Variants in GABRG3 observed in about 807,000 individuals in gnomAD.
GABRG3 encodes gamma-aminobutyric acid type A receptor subunit gamma3.
In GABRG3, 25 loss-of-function variants were observed where a neutral mutation model predicts 48.8. That is an observed-to-expected ratio of 0.51 (90% CI 0.37 to 0.72). The LOEUF (loss-of-function observed/expected upper bound fraction) is 0.72. Ranked by LOEUF, GABRG3 falls within the 30% of genes least tolerant of loss-of-function variation. GABRG3 has a pLI of 0.00. For synonymous variants in GABRG3, 227 were observed against 217.6 expected (o/e 1.04, Z -0.38); for missense variants, 394 against 577.9 (o/e 0.68, Z 3.26).
chr15:27,228,051 A>G lies in GABRG3; in HGVS notation c.271-98758A>G, dbSNP rs185237256. Among the ~76,000 whole-genome samples, 3 of 152,364 alleles carry G rather than the reference A, an allele frequency of 2.0e-5. No homozygotes were observed. In the East Asian group the frequency reaches 5.8e-4, roughly 29 times the overall value. On this transcript the variant is annotated intron_variant, in intron 3 of 9. Transcript: ENST00000615808. Reference sequence around the variant, plus strand: ...AAATAAATAAAACATTTTAGCACCAATGAAATAATACATAATTTTGTTATT... The same window carrying G: ...AAATAAATAAAACATTTTAGCACCAGTGAAATAATACATAATTTTGTTATT...
At chr15:27,222,323 G>A (rs1201210336) in intron 3 of GABRG3, among the ~76,000 whole-genome samples, 1 of 152,202 alleles carries the variant, frequency 6.6e-6, no homozygotes, top group African/African-American at 2.4e-5. Flanking sequence ...GGGAACAGAA[G>A]AAGTTGTTTT....
At chr15:27,518,678 T>C (rs1229997683) in intron 6 of GABRG3, among the ~76,000 whole-genome samples, 3 of 150,350 alleles carry the variant, frequency 2.0e-5, no homozygotes, top group Non-Finnish European at 3.0e-5. Flanking sequence ...TTCAGAGGAG[T>C]GTGGGAAGGG....
intron 3 of GABRG3, among the ~76,000 whole-genome samples, chr15:27,240,241 A>C (rs896120305): frequency 6.6e-6 from 1 of 152,170 alleles, no homozygotes; most frequent in Admixed American, 6.5e-5. Flanking sequence ...TTATCTTGCT[A>C]TAGTGAAAGC....
chr15:27,151,396 A>G (rs973676046), intron 3 of GABRG3, among the ~76,000 whole-genome samples: 1 of 151,488 alleles, frequency 6.6e-6, no homozygotes, highest in African/African-American at 2.4e-5. Flanking sequence ...CTGGAGATTG[A>G]TCCAGGTTAT....
rs531362504 is a variant in GABRG3, at chr15:27,540,957, G to A, written c.*8076G>A. 4 of 152,264 alleles carry A rather than the reference G, an allele frequency of 2.6e-5. No homozygotes were observed. Among genetic ancestry groups the A allele is most frequent in the African/African-American group, 9.6e-5 (4 of 41,474 alleles). 9.4% of individuals were successfully genotyped at this position (152,264 alleles called of 1,614,324 possible). ...AGGAGCGCAGTTTTCTAGCGATAGC[G>A]TATTAGCACTAAGCCTCTGGTTAGG... On this transcript the variant is annotated 3_prime_UTR_variant, in exon 10 of 10. Transcript: ENST00000615808.
At chr15:27,307,367 A>G (rs1167985188) in intron 3 of GABRG3, among the ~76,000 whole-genome samples, 1 of 18,062 alleles carries the variant, frequency 5.5e-5, no homozygotes, top group Non-Finnish European at 1.2e-4. Flanking sequence ...ATATAACCAT[A>G]TAGGTTTATA....
intron 5 of GABRG3, chr15:27,350,322 A>C: frequency 2.7e-6 from 1 of 376,066 alleles, no homozygotes; most frequent in Non-Finnish European, 5.4e-6. Context: ...GGGAAATCAC[A>C]TTTTCTGACT....
At chr15:27,324,914 A>C (rs993443513) in intron 3 of GABRG3, among the ~76,000 whole-genome samples, 2 of 138,852 alleles carry the variant, frequency 1.4e-5, no homozygotes, top group African/African-American at 3.1e-5. Flanking sequence ...CCATATTTGC[A>C]TAATTAAAGA....
At chr15:27,075,301 CATTTT>C (rs1437583302) in intron 3 of GABRG3, among the ~76,000 whole-genome samples, 1 of 152,132 alleles carries the variant, frequency 6.6e-6, no homozygotes, top group Non-Finnish European at 1.5e-5. Flanking sequence ...TAAACAAAGA[CATTTT>C]ATTTGCAAAT....
At chr15:27,007,760 G>GT (rs910417088) in intron 2 of GABRG3, among the ~76,000 whole-genome samples, 3 of 151,992 alleles carry the variant, frequency 2.0e-5, no homozygotes, top group Non-Finnish European at 4.4e-5. Context: ...GGGGTTTTTT[G>GT]TTTTTTGCTT....
At chr15:27,120,677 G>C (rs1897716161) in intron 3 of GABRG3, among the ~76,000 whole-genome samples, 1 of 152,172 alleles carries the variant, frequency 6.6e-6, no homozygotes, top group East Asian at 1.9e-4. Context: ...GCTGCTGGCT[G>C]TCATTGCCAA....
intron 3 of GABRG3, among the ~76,000 whole-genome samples, chr15:27,216,780 T>TTTTAA (rs1889271502): frequency 2.1e-5 from 1 of 48,534 alleles, no homozygotes; most frequent in African/African-American, 5.7e-5. Flanking sequence ...ATTTTTTAAT[T>TTTTAA]TTTTTTTTTA....
intron 3 of GABRG3, among the ~76,000 whole-genome samples, chr15:27,171,209 T>C (rs1482659448): frequency 6.6e-6 from 1 of 152,210 alleles, no homozygotes; most frequent in African/African-American, 2.4e-5. Flanking sequence ...GTAGGACTAA[T>C]AAAACATCAG....
chr15:27,432,565 T>G (rs1888488115), intron 5 of GABRG3, among the ~76,000 whole-genome samples: 1 of 152,212 alleles, frequency 6.6e-6, no homozygotes, highest in Non-Finnish European at 1.5e-5. Context: ...TGACTGAATA[T>G]TCTACCTTTT....
rs953908574 is a variant in GABRG3 at position 27,075,152 on chromosome 15, A to G, written c.270+48331A>G. Among the ~76,000 whole-genome samples, 48 of 152,226 alleles carry G rather than the reference A, an allele frequency of 3.2e-4. 1 individual carries two copies. The highest frequency in any genetic ancestry group is 1.0e-3 in the African/African-American group (43 of 41,466). ...GATTTTTTTCTCATTTGTTTAGAGT[A>G]ATATAACTGACTATTAATAATTCTT... On this transcript the variant is annotated intron_variant, in intron 3 of 9. Transcript: ENST00000615808.
chr15:27,160,050 C>T (rs977091157), intron 3 of GABRG3, among the ~76,000 whole-genome samples: 3 of 152,180 alleles, frequency 2.0e-5, no homozygotes, highest in Non-Finnish European at 4.4e-5. Flanking sequence ...CCCTCACTGT[C>T]ATACTGCAAG....
At position 27,180,749 on chromosome 15, in the gene GABRG3, T is replaced by C. The variant is rs1163718582; in HGVS notation, c.271-146060T>C. On this transcript the variant is annotated intron_variant, in intron 3 of 9. Transcript: ENST00000615808. This position sits in a 1 kb window ranked among gnomAD's most constrained non-coding sequence, Gnocchi z 4.2. Reference sequence around the variant, plus strand: ...TTTAATTATTTTACTAATTTCTACTTGATACCTCCTGGCCCTAAATCCACT... The same window carrying C: ...TTTAATTATTTTACTAATTTCTACTCGATACCTCCTGGCCCTAAATCCACT... Among the ~76,000 whole-genome samples, 1 of 152,218 alleles carries C rather than the reference T, an allele frequency of 6.6e-6. No homozygotes were observed. The highest frequency in any genetic ancestry group is 1.5e-5 in the Non-Finnish European group (1 of 68,042).
At chr15:27,043,054 G>T (rs1442225551) in intron 3 of GABRG3, among the ~76,000 whole-genome samples, 1 of 152,154 alleles carries the variant, frequency 6.6e-6, no homozygotes, top group Non-Finnish European at 1.5e-5. Context: ...TGTTCTATAT[G>T]AACCTAACTT....
chr15:27,124,722 G>T (rs1012988468), intron 3 of GABRG3, among the ~76,000 whole-genome samples: 1 of 152,190 alleles, frequency 6.6e-6, no homozygotes, highest in Non-Finnish European at 1.5e-5. Flanking sequence ...GGGGGCAACA[G>T]CTGTGGGTGC....
Sources: allele counts gnomAD v4.1 joint callset (sites outside exome capture counted in the v4.1 genomes callset), GRCh38; gene constraint gnomAD v4.1.1; non-coding constraint Gnocchi (gnomAD v3.1); transcripts MANE v1.5; gene names NCBI Gene and HGNC (gene_info 2026-07-23, HGNC 2026-07-21).